NRXN3: variants seen among roughly 807,000 people sequenced by gnomAD.
NRXN3 encodes the protein neurexin 3, also known as neurexin III.
A neutral mutation model predicts 137.6 loss-of-function variants in NRXN3; 32 were observed. The observed-to-expected ratio is 0.23, with a 90% confidence interval of 0.18 to 0.31. NRXN3 has a LOEUF of 0.31. NRXN3 is among the 10% of genes least tolerant of loss of function. NRXN3 has a pLI of 1.00. For synonymous variants in NRXN3, 798 were observed against 784.5 expected, an observed-to-expected ratio of 1.02 and a Z score of -0.29; for missense variants, 1,574 against 2,062.5, an observed-to-expected ratio of 0.76 and a Z score of 4.59.
At chr14:79,196,627 G>A (rs1395606793) in intron 15 of NRXN3, among the ~76,000 whole-genome samples, 2 of 145,198 alleles carry the variant, frequency 1.4e-5, no homozygotes, top group South Asian at 4.4e-4. Flanking sequence ...CCCTTAATAT[G>A]CTGTGATTGA....
intron 16 of NRXN3, among the ~76,000 whole-genome samples, chr14:79,578,969 A>G (rs1239601884): frequency 6.6e-6 from 1 of 152,126 alleles, no homozygotes; most frequent in East Asian, 1.9e-4. Flanking sequence ...ATTTTCAGTA[A>G]TAATTATTTA....
At chr14:79,133,472 A>G (rs2057830593) in intron 15 of NRXN3, among the ~76,000 whole-genome samples, 2 of 152,194 alleles carry the variant, frequency 1.3e-5, no homozygotes, top group African/African-American at 2.4e-5. Context: ...GTTCATAAGT[A>G]AGTGAGCTTT....
At chr14:79,170,491 G>T (rs35032955) in intron 15 of NRXN3, among the ~76,000 whole-genome samples, 1,738 of 152,210 alleles carry the variant, frequency 0.011, 14 homozygotes, top group South Asian at 0.024. Flanking sequence ...AACTGGGGTA[G>T]ATATACATTC....
At chr14:78,296,060 CTTTTT>C (rs1204627546) in intron 3 of NRXN3, among the ~76,000 whole-genome samples, 2 of 130,210 alleles carry the variant, frequency 1.5e-5, no homozygotes. Flanking sequence ...CTCTCTCTGT[CTTTTT>C]TTTTTTTTTT....
intron 16 of NRXN3, among the ~76,000 whole-genome samples, chr14:79,559,405 A>G (rs1278108427): frequency 6.6e-6 from 1 of 152,086 alleles, no homozygotes; most frequent in Non-Finnish European, 1.5e-5. Flanking sequence ...GTTGTGTCTC[A>G]GAGAATAGGG....
chr14:79,638,450 G>A (rs2098416795), intron 16 of NRXN3, among the ~76,000 whole-genome samples: 1 of 152,116 alleles, frequency 6.6e-6, no homozygotes, highest in Non-Finnish European at 1.5e-5. Context: ...TAGAACAGAG[G>A]AGAAAAGGAA....
chr14:78,391,595 T>C (rs548829141), intron 4 of NRXN3, among the ~76,000 whole-genome samples: 68 of 152,242 alleles, frequency 4.5e-4, no homozygotes, highest in African/African-American at 1.6e-3. Context: ...TGACCTTTTA[T>C]GCACTCAGCA....
intron 15 of NRXN3, among the ~76,000 whole-genome samples, chr14:79,273,789 A>T (rs1442498237): frequency 6.6e-6 from 1 of 151,792 alleles, no homozygotes; most frequent in Non-Finnish European, 1.5e-5. Flanking sequence ...AGATGAAGAA[A>T]CTAAACTACA....
chr14:79,253,829 G>A (rs899121206), intron 15 of NRXN3, among the ~76,000 whole-genome samples: 3 of 152,144 alleles, frequency 2.0e-5, no homozygotes, highest in African/African-American at 4.8e-5. Flanking sequence ...TCCAACATGT[G>A]GAAATTACAA....
chr14:79,504,674 T>TATATATATATATATATATATAA (rs1464757508), intron 16 of NRXN3, among the ~76,000 whole-genome samples: 9 of 143,448 alleles, frequency 6.3e-5, no homozygotes, highest in African/African-American at 2.1e-4. Flanking sequence ...TATATATATA[T>TATATATATATATATATATATAA]AAAACATTAC....
rs2090094107 is a variant in NRXN3 at position 78,387,179 on chromosome 14, T to C, written c.757+89319T>C. Among the ~76,000 whole-genome samples, 4 of 152,230 alleles carry C rather than the reference T, an allele frequency of 2.6e-5. No individual in the cohort carries two copies. The South Asian group carries it at 8.3e-4, about 32-fold the overall frequency. Reference sequence around the variant, plus strand: ...TATAACAAATGTCAATAAAATGACATTTTATACTTCAAGTCATTTCTAATT... The same window carrying C: ...TATAACAAATGTCAATAAAATGACACTTTATACTTCAAGTCATTTCTAATT... On this transcript the variant is annotated intron_variant, in intron 4 of 20. Coordinates refer to ENST00000335750, the MANE Select transcript of NRXN3 (RefSeq NM_001330195.2).
At chr14:78,885,483 T>C (rs1203545911) in intron 10 of NRXN3, among the ~76,000 whole-genome samples, 1 of 152,090 alleles carries the variant, frequency 6.6e-6, no homozygotes, top group African/African-American at 2.4e-5. Context: ...ACATAATAAT[T>C]ACTTTATTCT....
At chr14:79,528,448 A>G (rs544746806) in intron 16 of NRXN3, among the ~76,000 whole-genome samples, 2 of 152,226 alleles carry the variant, frequency 1.3e-5, no homozygotes, top group South Asian at 4.1e-4. Context: ...TGTAAAACAC[A>G]GAGCAAAAAG....
intron 8 of NRXN3, among the ~76,000 whole-genome samples, chr14:78,760,129 C>T (rs1007661476): frequency 6.9e-6 from 1 of 145,724 alleles, no homozygotes; most frequent in Non-Finnish European, 1.5e-5. Context: ...GCAACAACCT[C>T]TTTCTCCCAG....
At chr14:78,404,426 A>G (rs929056127) in intron 4 of NRXN3, among the ~76,000 whole-genome samples, 1 of 152,162 alleles carries the variant, frequency 6.6e-6, no homozygotes, top group Non-Finnish European at 1.5e-5. Context: ...AGACAAACAC[A>G]TTCCCCTAGT....
intron 4 of NRXN3, among the ~76,000 whole-genome samples, chr14:78,573,825 A>G (rs757158297): frequency 1.3e-5 from 2 of 152,264 alleles, no homozygotes; most frequent in Admixed American, 6.5e-5. Context: ...AGAAATTTGC[A>G]TAAGTAATGA....
intron 15 of NRXN3, among the ~76,000 whole-genome samples, chr14:79,080,732 A>G (rs553344343): frequency 6.6e-6 from 1 of 152,140 alleles, no homozygotes; most frequent in Non-Finnish European, 1.5e-5. Flanking sequence ...TGTGACAATT[A>G]TTTTATTCAA....
chr14:79,073,831 A>T (rs946624501), intron 15 of NRXN3, among the ~76,000 whole-genome samples: 2 of 152,178 alleles, frequency 1.3e-5, no homozygotes, highest in African/African-American at 4.8e-5. Flanking sequence ...CATTTTCTCA[A>T]GCCAGACTGC....
At position 79,616,211 on chromosome 14, in the gene NRXN3, CTACATGGCTTTCACAGTAA is replaced by C. The variant is rs556799689; in HGVS notation, c.3445-47565_3445-47547del. 3.9e-4 allele frequency among the ~76,000 whole-genome samples: 59 copies of C among 152,194 alleles called. 2 individuals carry two copies. In the South Asian group the frequency reaches 0.012, roughly 31 times the overall value. ...CCAGAACTGGAGCCTGGAAAGTTGG[CTACATGGCTTTCACAGTAA>C]TCCAGGAAGGGGATGATGGAAGAGA... On this transcript the variant is annotated intron_variant, in intron 16 of 20. Transcript: ENST00000335750.
Sources: allele counts gnomAD v4.1 joint callset (sites outside exome capture counted in the v4.1 genomes callset), GRCh38; gene constraint gnomAD v4.1.1; transcripts MANE v1.5; gene names NCBI Gene and HGNC (gene_info 2026-07-23, HGNC 2026-07-21).